The following NRXN1 variants were observed in gnomAD, a reference collection of about 807,000 sequenced individuals.
NRXN1 encodes the protein neurexin 1.
In NRXN1, 39 loss-of-function variants were observed where a neutral mutation model predicts 150.9. That is an observed-to-expected ratio of 0.26 (90% CI 0.20 to 0.34). The LOEUF (loss-of-function observed/expected upper bound fraction) is 0.34. Among genes scored for constraint, NRXN1 ranks in the 10% least tolerant of loss-of-function variants. The pLI is 1.00. For missense variants in NRXN1, 1,815 were observed against 1,949.9 expected (o/e 0.93, Z 1.30); for synonymous variants, 924 against 757.0 (o/e 1.22, Z -3.62).
chr2:50,586,129 G>T (rs1673058771), intron 8 of NRXN1, among the ~76,000 whole-genome samples: 1 of 152,108 alleles, frequency 6.6e-6, no homozygotes. Context: ...GCCTTTTTCA[G>T]TATGTCTGAA....
At chr2:50,674,565 G>C (rs898517674) in intron 5 of NRXN1, among the ~76,000 whole-genome samples, 3 of 152,084 alleles carry the variant, frequency 2.0e-5, no homozygotes, top group Non-Finnish European at 4.4e-5. Context: ...AGAGGCTACT[G>C]CGATAGTTCA....
intron 5 of NRXN1, among the ~76,000 whole-genome samples, chr2:50,719,751 G>C (rs1208415812): frequency 1.3e-5 from 2 of 152,112 alleles, no homozygotes; most frequent in African/African-American, 2.4e-5. Context: ...GGGATTATTA[G>C]CATAAAAGTA....
intron 12 of NRXN1, among the ~76,000 whole-genome samples, chr2:50,511,645 C>T (rs2092456297): frequency 1.3e-5 from 2 of 152,248 alleles, no homozygotes; most frequent in South Asian, 4.1e-4. Context: ...ACAACCTACC[C>T]ATCCATAAAT....
chr2:50,785,029 T>A (rs541351347), intron 5 of NRXN1, among the ~76,000 whole-genome samples: 1 of 152,022 alleles, frequency 6.6e-6, no homozygotes, highest in Non-Finnish European at 1.5e-5. Context: ...AATGAGGTTA[T>A]AATTATGACA....
At chr2:50,215,707 A>T (rs1447769247) in intron 18 of NRXN1, among the ~76,000 whole-genome samples, 1 of 152,014 alleles carries the variant, frequency 6.6e-6, no homozygotes, top group Admixed American at 6.6e-5. Flanking sequence ...TTAAAATAAG[A>T]CATCATGATA....
At position 51,027,514 on chromosome 2, in the gene NRXN1, C is replaced by G. The variant is rs1670711064; in HGVS notation, c.760G>C (p.Asp254His). The change falls in exon 2 of 23, where the codon GAC (aspartate) becomes CAC (histidine). Residue 254 changes from aspartate (D) to histidine (H), a missense_variant. Around this residue, in one of 6 missense-constraint regions of NRXN1, gnomAD observed 554 missense variants for 478.8 expected, o/e 1.16. Transcript: ENST00000401669. ...DCSRTGFRGK[D>H]CSQEDNNVEG... ...CGTCGGGCCTTACCTTGGCTGCAGT[C>G]CTTGCCGCGGAAGCCGGTTCGCGAG... 2 of 1,540,238 alleles carry G rather than the reference C, an allele frequency of 1.3e-6. No homozygotes were observed. The highest frequency in any genetic ancestry group is 1.2e-5 in the South Asian group (1 of 80,420).
intron 5 of NRXN1, among the ~76,000 whole-genome samples, chr2:50,674,198 G>C (rs1350142145): frequency 6.6e-6 from 1 of 152,100 alleles, no homozygotes; most frequent in Admixed American, 6.6e-5. Flanking sequence ...TGGAACTCTT[G>C]GTGATATTGC....
At chr2:50,237,771 G>C (rs2065600697) in intron 17 of NRXN1, among the ~76,000 whole-genome samples, 1 of 151,870 alleles carries the variant, frequency 6.6e-6, no homozygotes, top group African/African-American at 2.4e-5. Context: ...AATTTATTCA[G>C]CATTTGATAT....
At chr2:50,806,331 A>G (rs927136488) in intron 5 of NRXN1, among the ~76,000 whole-genome samples, 35 of 152,150 alleles carry the variant, frequency 2.3e-4, no homozygotes, top group African/African-American at 7.0e-4. Flanking sequence ...TAAATCAATG[A>G]CTCATAATGT....
Position 49,941,357 on chromosome 2 carries a change from G to C in NRXN1, c.4216+2347C>G, listed in dbSNP as rs540635211. Among the ~76,000 whole-genome samples, 5 of 150,756 alleles carry C rather than the reference G, an allele frequency of 3.3e-5. No individual in the cohort carries two copies. In the South Asian group the frequency reaches 1.1e-3, roughly 32 times the overall value. ...GAACAAGCAGAAGACGATGGCAAAA[G>C]GGTTACCCCATCCGCCTTTTCTCTC... On this transcript the variant is annotated intron_variant, in intron 22 of 22. Coordinates refer to ENST00000401669, the MANE Select transcript of NRXN1 (RefSeq NM_001330078.2).
chr2:50,997,082 C>G (rs1268021963), intron 2 of NRXN1, among the ~76,000 whole-genome samples: 2 of 151,980 alleles, frequency 1.3e-5, no homozygotes, highest in East Asian at 3.9e-4. Flanking sequence ...AGTTTGGGTC[C>G]AGGCACAGTG....
At chr2:50,619,889 A>C in intron 8 of NRXN1, 133 bp downstream of exon 8, 1 of 737,654 alleles carries the variant, frequency 1.4e-6, no homozygotes, top group Non-Finnish European at 2.1e-6. Context: ...TACATAAACA[A>C]TAGTAGAATA....
In NRXN1 at chr2:51,027,610, C is replaced by T. The variant is rs1575276127; in HGVS notation, c.664G>A (p.Glu222Lys). ...GGGSPCEAGE[E>K]GEGGVCLNGG... ...TTGAGGCACACCCCGCCCTCGCCCT[C>T]CTCGCCCGCCTCGCACGGGCTTCCC... The change falls in exon 2 of 23, where the codon GAG (glutamate) becomes AAG (lysine). Residue 222 changes from glutamate to lysine, a missense_variant. Physicochemically the swap from Glu to Lys is moderately conservative, Grantham distance 56. This residue lies in a region of NRXN1 where 554 missense variants were observed against 478.8 expected (regional missense o/e 1.16). Transcript: ENST00000401669. 2.5e-6 allele frequency: 4 copies of T among 1,586,920 alleles called. No homozygotes were observed. Among genetic ancestry groups the T allele is most frequent in the Non-Finnish European group, 3.4e-6 (4 of 1,166,908 alleles).
intron 21 of NRXN1, among the ~76,000 whole-genome samples, chr2:49,990,462 T>C (rs1317332949): frequency 6.6e-6 from 1 of 152,180 alleles, no homozygotes; most frequent in Non-Finnish European, 1.5e-5. Flanking sequence ...AGCAGAATAA[T>C]GACATAATTT....
chr2:50,308,134 C>G (rs1031554313), intron 17 of NRXN1, among the ~76,000 whole-genome samples: 4 of 152,028 alleles, frequency 2.6e-5, no homozygotes, highest in Non-Finnish European at 4.4e-5. Flanking sequence ...CTCCTGACTA[C>G]TGTCTTAGCA....
chr2:50,350,745 G>A (rs1426516837), intron 17 of NRXN1, among the ~76,000 whole-genome samples: 2 of 152,094 alleles, frequency 1.3e-5, no homozygotes, highest in African/African-American at 2.4e-5. Context: ...TCACTCCCCT[G>A]CCTGTCTTAT....
intron 5 of NRXN1, among the ~76,000 whole-genome samples, chr2:50,729,200 T>G (rs560659356): frequency 1.3e-5 from 2 of 152,224 alleles, no homozygotes; most frequent in Non-Finnish European, 2.9e-5. Context: ...ATCTTTGTTT[T>G]GATTATAAAT....
At chr2:50,700,222 T>C (rs1469579084) in intron 5 of NRXN1, among the ~76,000 whole-genome samples, 1 of 152,182 alleles carries the variant, frequency 6.6e-6, no homozygotes, top group Non-Finnish European at 1.5e-5. Flanking sequence ...GTTAGTAGTG[T>C]CAAATGAGAT....
chr2:49,935,972 C>T (rs993501906), intron 22 of NRXN1, among the ~76,000 whole-genome samples: 17 of 152,128 alleles, frequency 1.1e-4, no homozygotes, highest in African/African-American at 4.1e-4. Flanking sequence ...AGGACATGTG[C>T]CATACTGTTA....
Sources: gnomAD v4.1 joint callset for allele counts (sites outside exome capture counted in the v4.1 genomes callset) on GRCh38, gnomAD v4.1.1 for gene constraint, gnomAD v4.1.1 regional missense constraint, MANE v1.5 for transcripts, NCBI Gene and HGNC (gene_info 2026-07-23, HGNC 2026-07-21) for gene names.